KCTD1: variants seen among roughly 807,000 people sequenced by gnomAD.
KCTD1 encodes the protein BTB/POZ domain-containing protein KCTD1.
Under a neutral mutation model 66.0 loss-of-function variants are expected in KCTD1, and 24 were observed. That is an observed-to-expected ratio of 0.36 (90% CI 0.26 to 0.51). The LOEUF (loss-of-function observed/expected upper bound fraction) is 0.51. KCTD1 is among the 20% of genes least tolerant of loss of function. The pLI is 0.95. For missense variants in KCTD1, 943 were observed against 1,205.2 expected, an observed-to-expected ratio of 0.78 and a Z score of 3.22; for synonymous variants, 511 against 517.2, an observed-to-expected ratio of 0.99 and a Z score of 0.16.
chr18:26,517,658 CAAAAAAA>C (rs968619785), intron 1 of KCTD1, among the ~76,000 whole-genome samples: 25 of 53,402 alleles, frequency 4.7e-4, no homozygotes, highest in Middle Eastern at 0.015. Flanking sequence ...ACTCCGTCTC[CAAAAAAA>C]AAAAAAAAAA....
chr18:26,598,470 T>A (rs1261786144), intron 1 of KCTD1, among the ~76,000 whole-genome samples: 2 of 43,014 alleles, frequency 4.6e-5, no homozygotes, highest in Non-Finnish European at 9.8e-5. Context: ...TTCTCTTTTT[T>A]TACACACACA....
At chr18:26,507,880 G>A (rs1983126212) in intron 1 of KCTD1, among the ~76,000 whole-genome samples, 1 of 152,118 alleles carries the variant, frequency 6.6e-6, no homozygotes, top group Admixed American at 6.6e-5. Context: ...GGAAGAGGGA[G>A]TGACCAGCAA....
At chr18:26,465,928 G>A (rs139041737) in intron 3 of KCTD1, among the ~76,000 whole-genome samples, 363 of 152,362 alleles carry the variant, frequency 2.4e-3, no homozygotes, top group Middle Eastern at 0.014. Context: ...ACCAGACCAC[G>A]GATACAGCCT....
chr18:26,578,057 C>CTTTTTTTTTTTTTTTTTTTT (rs11381611), intron 1 of KCTD1, among the ~76,000 whole-genome samples: 3 of 117,044 alleles, frequency 2.6e-5, no homozygotes, highest in Non-Finnish European at 5.1e-5. Flanking sequence ...TCTTTTCTTT[C>CTTTTTTTTTTTTTTTTTTTT]TTTTTTTTTT....
At chr18:26,632,100 T>C (rs1396228960), upstream of KCTD1, among the ~76,000 whole-genome samples, 3 of 139,156 alleles carry the variant, frequency 2.2e-5, no homozygotes, top group Admixed American at 2.2e-4. Flanking sequence ...AAAATCAACA[T>C]ACAGGCCGGT....
chr18:26,571,086 C>T (rs929022442), intron 1 of KCTD1, among the ~76,000 whole-genome samples: 4 of 152,108 alleles, frequency 2.6e-5, no homozygotes, highest in Non-Finnish European at 4.4e-5. Flanking sequence ...TCCACTTCTA[C>T]GGAATGTAAA....
At chr18:26,630,245 A>G (rs1339098389), upstream of KCTD1, among the ~76,000 whole-genome samples, 1 of 152,164 alleles carries the variant, frequency 6.6e-6, no homozygotes, top group Non-Finnish European at 1.5e-5. Flanking sequence ...CCCAGTTTTT[A>G]AAAAAATCCA....
At chr18:26,472,689 G>T (rs985868085) in intron 3 of KCTD1, among the ~76,000 whole-genome samples, 1 of 152,206 alleles carries the variant, frequency 6.6e-6, no homozygotes, top group Admixed American at 6.5e-5. Context: ...AGCGCCCGAC[G>T]TTGGTGGCTC....
intron 1 of KCTD1, among the ~76,000 whole-genome samples, chr18:26,509,767 C>T (rs1366666855): frequency 6.6e-6 from 1 of 152,154 alleles, no homozygotes; most frequent in African/African-American, 2.4e-5. Context: ...GTCACATATA[C>T]AGGGCACCCT....
chr18:26,511,813 T>G (rs1013037400), intron 1 of KCTD1, among the ~76,000 whole-genome samples: 1 of 152,162 alleles, frequency 6.6e-6, no homozygotes, highest in African/African-American at 2.4e-5. Context: ...ACCCTGTCTG[T>G]GTTTGGGGGT....
chr18:26,573,352 A>C (rs561794894), intron 1 of KCTD1, among the ~76,000 whole-genome samples: 22 of 152,302 alleles, frequency 1.4e-4, no homozygotes, highest in Non-Finnish European at 2.4e-4. Flanking sequence ...GTTGTACAAC[A>C]GTGTGAATGT....
At chr18:26,544,833 T>C (rs986127706) in intron 1 of KCTD1, 40 of 152,264 alleles carry the variant, frequency 2.6e-4, no homozygotes, top group African/African-American at 7.5e-4. Context: ...TGTAGTGTTT[T>C]AACTAACAGG....
intron 1 of KCTD1, among the ~76,000 whole-genome samples, chr18:26,619,949 T>C (rs1987336972): frequency 6.6e-6 from 1 of 152,214 alleles, no homozygotes; most frequent in Admixed American, 6.5e-5. Flanking sequence ...CATCCTAACT[T>C]ATCTTGCATT....
chr18:26,550,704 C>T (rs1985530828), upstream of KCTD1, among the ~76,000 whole-genome samples: 1 of 152,196 alleles, frequency 6.6e-6, no homozygotes, highest in Non-Finnish European at 1.5e-5. The surrounding 1 kb of genome is among the most constrained non-coding windows in gnomAD (Gnocchi z 5.4). Context: ...ATGCACTGCC[C>T]GCCGCACCCG....
intron 1 of KCTD1, among the ~76,000 whole-genome samples, chr18:26,617,871 G>GGGAA (rs1463851110): frequency 1.1e-5 from 1 of 88,208 alleles, no homozygotes; most frequent in Non-Finnish European, 2.8e-5. Flanking sequence ...GAGGGAGGGA[G>GGGAA]GGAGGGAGGG....
Position 26,635,031 on chromosome 18 carries a change from T to C in KCTD1, c.-107+5280A>G, listed in dbSNP as rs186936488. Among the ~76,000 whole-genome samples, 27 of 152,314 alleles carry C rather than the reference T, an allele frequency of 1.8e-4. No homozygotes were observed. The East Asian group carries it at 3.9e-3, about 22-fold the overall frequency. The stretch of plus-strand genomic sequence containing the variant: ...TAAAAATCCACATTGAACAAAAACA[T>C]CAAAAATTTTAATGTAATTCCAGCT... On this transcript the variant is annotated intron_variant, in intron 1 of 5. Transcript: ENST00000579973.
chr18:26,601,106 GC>G (rs1986885182), intron 1 of KCTD1, among the ~76,000 whole-genome samples: 1 of 151,934 alleles, frequency 6.6e-6, no homozygotes, highest in African/African-American at 2.4e-5. Context: ...TTAGAATAGG[GC>G]CTGTCTGCCC....
chr18:26,644,629 A>G (rs1278966009), upstream of KCTD1, among the ~76,000 whole-genome samples: 2 of 151,928 alleles, frequency 1.3e-5, no homozygotes, highest in African/African-American at 4.8e-5. Flanking sequence ...GTGGTGGTGG[A>G]CATTTGTAAT....
rs979098657 is a variant in KCTD1, at chr18:26,655,509, C to A, written c.9+1851G>T. ...AGGATTTGCTTGAAAGCAGCCAGTT[C>A]TATTATCTAAAAGGTAATACATTTG... On this transcript the variant is annotated intron_variant, in intron 1 of 4. Coordinates refer to the KCTD1 transcript ENST00000580191. Among the ~76,000 whole-genome samples the A allele has an allele frequency of 2.6e-5, 4 of 152,278 alleles. No individual in the cohort carries two copies. In the South Asian group the frequency reaches 6.2e-4, roughly 24 times the overall value.
Sources: gnomAD v4.1 joint callset for allele counts (sites outside exome capture counted in the v4.1 genomes callset) on GRCh38, gnomAD v4.1.1 for gene constraint, Gnocchi (gnomAD v3.1) non-coding constraint, MANE v1.5 for transcripts, NCBI Gene and HGNC (gene_info 2026-07-23, HGNC 2026-07-21) for gene names.